The following HDAC9 variants were observed in gnomAD, a reference collection of about 807,000 sequenced individuals.
HDAC9 encodes the protein MEF-2 interacting transcription repressor (MITR) protein.
A neutral mutation model predicts 139.4 loss-of-function variants in HDAC9; 41 were observed. That is an observed-to-expected ratio of 0.29 (90% CI 0.23 to 0.38). HDAC9 has a LOEUF of 0.38. Ranked by LOEUF, HDAC9 falls within the 10% of genes least tolerant of loss-of-function variation. HDAC9 has a pLI of 1.00. For missense variants in HDAC9, 1,147 were observed against 1,297.0 expected (o/e 0.88, Z 1.78); for synonymous variants, 517 against 476.2 (o/e 1.09, Z -1.12).
chr7:18,522,148 A>T (rs1056315941), intron 2 of HDAC9, among the ~76,000 whole-genome samples: 1 of 152,200 alleles, frequency 6.6e-6, no homozygotes, highest in Non-Finnish European at 1.5e-5. Flanking sequence ...CATATATTAC[A>T]GCCCACGTGT....
At chr7:18,255,376 T>G (rs1033996075) in intron 2 of HDAC9, among the ~76,000 whole-genome samples, 1 of 152,292 alleles carries the variant, frequency 6.6e-6, no homozygotes, top group East Asian at 1.9e-4. Flanking sequence ...AAGTTTTTCA[T>G]TGATTCTTGG....
At chr7:18,598,640 T>G (rs1454077687) in intron 6 of HDAC9, among the ~76,000 whole-genome samples, 2 of 152,248 alleles carry the variant, frequency 1.3e-5, no homozygotes, top group Admixed American at 6.5e-5. Context: ...GTGCTTACTC[T>G]TGACTGTATG....
At chr7:18,860,896 C>G (rs927726326) in intron 21 of HDAC9, among the ~76,000 whole-genome samples, 10 of 152,246 alleles carry the variant, frequency 6.6e-5, no homozygotes, top group African/African-American at 2.2e-4. Context: ...TGCCCGCTCT[C>G]CACACCCTTG....
chr7:18,582,382 C>T (rs978917821), intron 2 of HDAC9, among the ~76,000 whole-genome samples: 1 of 152,026 alleles, frequency 6.6e-6, no homozygotes, highest in African/African-American at 2.4e-5. Flanking sequence ...ATTTAAAAAC[C>T]GTGGTAGAAT....
chr7:18,807,650 T>C (rs1793823726), intron 17 of HDAC9, among the ~76,000 whole-genome samples: 1 of 152,168 alleles, frequency 6.6e-6, no homozygotes, highest in South Asian at 2.1e-4. Flanking sequence ...TTTAGATTAA[T>C]TTTTTATTTA....
chr7:18,733,271 G>GGTATATATGT (rs56294543), intron 13 of HDAC9, among the ~76,000 whole-genome samples: 25 of 146,552 alleles, frequency 1.7e-4, no homozygotes, highest in African/African-American at 5.5e-4. Flanking sequence ...TATATACACA[G>GGTATATATGT]GTATATATGT....
intron 21 of HDAC9, among the ~76,000 whole-genome samples, chr7:18,838,716 G>T (rs1160847102): frequency 6.6e-6 from 1 of 151,946 alleles, no homozygotes; most frequent in Admixed American, 6.6e-5. Flanking sequence ...TGGCATCTGT[G>T]TGTGGGTGCA....
intron 16 of HDAC9, among the ~76,000 whole-genome samples, chr7:18,767,685 C>T (rs1318722676): frequency 6.6e-6 from 1 of 152,046 alleles, no homozygotes; most frequent in Non-Finnish European, 1.5e-5. Context: ...ATATTTAGAC[C>T]ACATTTCAAG....
intron 22 of HDAC9, among the ~76,000 whole-genome samples, chr7:18,924,014 T>G (rs1444851346): frequency 6.6e-6 from 1 of 152,026 alleles, no homozygotes; most frequent in Non-Finnish European, 1.5e-5. Context: ...GAAGCCTTTA[T>G]TTTATCCATA....
At chr7:18,499,127 A>G (rs542394688) in intron 2 of HDAC9, among the ~76,000 whole-genome samples, 1 of 152,046 alleles carries the variant, frequency 6.6e-6, no homozygotes, top group African/African-American at 2.4e-5. Context: ...TCATTATGTA[A>G]TAAAGGCAAA....
At chr7:18,789,240 C>T (rs1172517719) in intron 16 of HDAC9, among the ~76,000 whole-genome samples, 2 of 151,480 alleles carry the variant, frequency 1.3e-5, no homozygotes. Context: ...ATCTCCCTTT[C>T]AGCTCATGTA....
At chr7:18,786,472 TCCTTCCTTCCTTTC>T (rs1791740781) in intron 16 of HDAC9, among the ~76,000 whole-genome samples, 1 of 23,730 alleles carries the variant, frequency 4.2e-5, no homozygotes, top group African/African-American at 7.9e-5. Context: ...CTTCCTTTCG[TCCTTCCTTCCTTTC>T]TTCCTTCCTT....
intron 23 of HDAC9, among the ~76,000 whole-genome samples, chr7:18,939,796 A>G (rs962691307): frequency 6.6e-6 from 1 of 152,174 alleles, no homozygotes; most frequent in South Asian, 2.1e-4. Flanking sequence ...TAATAGAGCA[A>G]TTAGAACTCA....
intron 2 of HDAC9, among the ~76,000 whole-genome samples, chr7:18,281,430 A>G (rs1158468706): frequency 6.6e-6 from 1 of 152,194 alleles, no homozygotes; most frequent in East Asian, 1.9e-4. Context: ...GGATTCCGTA[A>G]CTTCTAGTCT....
chr7:18,327,779 ACTAT>A lies in HDAC9; in HGVS notation c.-42+37268_-42+37271del, dbSNP rs1245783484. ...ACTCTGAAATAATTTTTTATTTCCTACTATCTAACTTACCAAACTTCCTGATTTT... is the reference window on the plus strand; with the variant it reads ...ACTCTGAAATAATTTTTTATTTCCTACTAACTTACCAAACTTCCTGATTTT... On this transcript the variant is annotated intron_variant, in intron 1 of 3. Coordinates refer to the HDAC9 transcript ENST00000413509. 8 of 152,102 alleles carry A rather than the reference ACTAT, an allele frequency of 5.3e-5. No individual in the cohort carries two copies. The East Asian group carries it at 7.8e-4, about 15-fold the overall frequency. The allele number at this position is 152,102 out of a possible 1,614,324, so 9.4% of individuals were successfully genotyped here. A position where few individuals can be genotyped will look rare whatever the true frequency, so the allele number is the denominator to read the frequency against.
At chr7:18,469,149 C>T (rs1794532962) in intron 1 of HDAC9, among the ~76,000 whole-genome samples, 1 of 152,194 alleles carries the variant, frequency 6.6e-6, no homozygotes, top group Non-Finnish European at 1.5e-5. Context: ...GCCAGTGTGA[C>T]TAAATCAAAC....
intron 13 of HDAC9, among the ~76,000 whole-genome samples, chr7:18,732,861 GTA>G (rs757265600): frequency 5.8e-5 from 6 of 102,916 alleles, no homozygotes; most frequent in Non-Finnish European, 3.8e-5. Flanking sequence ...GTATGTGTGC[GTA>G]TGTGTACACA....
Position 18,096,241 on chromosome 7 carries a change from T to A in HDAC9, c.-97+9028T>A, listed in dbSNP as rs544593685. Among the ~76,000 whole-genome samples, 23 of 152,340 alleles carry A rather than the reference T, an allele frequency of 1.5e-4. No homozygotes were observed. The East Asian group carries it at 2.7e-3, about 18-fold the overall frequency. ...CTCATGATGATTATAACCTCTATAG[T>A]ACAGGTACTTTTGCCTGCCTGTGCT... On this transcript the variant is annotated intron_variant, in intron 1 of 12. Transcript: ENST00000417496.
chr7:18,253,995 G>A lies in HDAC9; in HGVS notation c.25+91646G>A, dbSNP rs1795084167. The stretch of plus-strand genomic sequence containing the variant: ...TTGCTGGGGAGGAAAAGAAAACAGA[G>A]TTTTGAAACATGCAGCACTGCTTCT... On this transcript the variant is annotated intron_variant, in intron 2 of 12. Coordinates refer to the HDAC9 transcript ENST00000417496. 5.3e-5 allele frequency among the ~76,000 whole-genome samples: 8 copies of A among 152,322 alleles called. No homozygotes were observed. In the South Asian group the frequency reaches 1.7e-3, roughly 32 times the overall value.
Sources: gnomAD v4.1 joint callset for allele counts (sites outside exome capture counted in the v4.1 genomes callset) on GRCh38, gnomAD v4.1.1 for gene constraint, MANE v1.5 for transcripts, NCBI Gene and HGNC (gene_info 2026-07-23, HGNC 2026-07-21) for gene names.